Variants in ATG10 observed in about 807,000 individuals in gnomAD.
The protein encoded by ATG10 is ubiquitin-like-conjugating enzyme ATG10.
A neutral mutation model predicts 32.1 loss-of-function variants in ATG10; 30 were observed. The observed-to-expected ratio is 0.94, with a 90% confidence interval of 0.70 to 1.27. ATG10 has a LOEUF of 1.27. ATG10 is among the 50% of genes most tolerant of loss of function. The pLI is 0.00. For synonymous variants in ATG10, 87 were observed against 91.5 expected (o/e 0.95, Z 0.28); for missense variants, 233 against 262.3 (o/e 0.89, Z 0.77).
rs1346063505 is a variant in ATG10, at chr5:82,255,352, TTCATA to T, written c.*1290_*1294del. 1.3e-5 allele frequency: 2 copies of T among 152,226 alleles called. No individual in the cohort carries two copies. The highest frequency in any genetic ancestry group is 3.9e-4 in the East Asian group (2 of 5,194). 9.4% of individuals were successfully genotyped at this position (152,226 alleles called of 1,614,324 possible). A position where few individuals can be genotyped will look rare whatever the true frequency, so the allele number is the denominator to read the frequency against. On this transcript the variant is annotated 3_prime_UTR_variant, in exon 8 of 8. Transcript: ENST00000282185. ...GTATTCACTAAGGCTGTAAATAAGT[TTCATA>T]GCCAGTTAAGTATTAAGATAAACCT...
chr5:82,196,946 G>A (rs1246402994), intron 5 of ATG10, among the ~76,000 whole-genome samples: 2 of 152,128 alleles, frequency 1.3e-5, no homozygotes, highest in Non-Finnish European at 2.9e-5. Context: ...TTGGAATTTT[G>A]ATATGGATTG....
intron 1 of ATG10, among the ~76,000 whole-genome samples, chr5:81,983,987 C>A (rs1422878232): frequency 6.6e-6 from 1 of 151,894 alleles, no homozygotes; most frequent in Non-Finnish European, 1.5e-5. Flanking sequence ...GATGGGATGG[C>A]GGCCGGGCAG....
intron 5 of ATG10, among the ~76,000 whole-genome samples, chr5:82,249,557 A>G (rs920324683): frequency 7.9e-5 from 12 of 152,186 alleles, no homozygotes. Context: ...CTTCTGTGGT[A>G]TTATCTCATT....
intron 2 of ATG10, among the ~76,000 whole-genome samples, chr5:81,997,382 G>A (rs1410435197): frequency 6.6e-6 from 1 of 152,150 alleles, no homozygotes; most frequent in African/African-American, 2.4e-5. Flanking sequence ...GGAGGGCTGA[G>A]GTGAGCCTTG....
intron 3 of ATG10, among the ~76,000 whole-genome samples, chr5:82,077,774 A>G (rs546812290): frequency 7.4e-4 from 112 of 152,252 alleles, no homozygotes; most frequent in Non-Finnish European, 1.2e-3. Context: ...CTTCGTTCTG[A>G]TTTGATTGAT....
At chr5:82,108,425 TATA>T (rs1365567705) in intron 3 of ATG10, among the ~76,000 whole-genome samples, 5 of 151,950 alleles carry the variant, frequency 3.3e-5, no homozygotes, top group Non-Finnish European at 4.4e-5. Context: ...ACTGCTCTTA[TATA>T]ATATTTATGT....
intron 3 of ATG10, among the ~76,000 whole-genome samples, chr5:82,092,052 G>GT (rs1433741353): frequency 6.6e-6 from 1 of 152,150 alleles, no homozygotes; most frequent in Non-Finnish European, 1.5e-5. Context: ...GATATATGGA[G>GT]TTTTTTATAT....
At chr5:82,112,975 T>C (rs1417338943) in intron 3 of ATG10, among the ~76,000 whole-genome samples, 2 of 151,894 alleles carry the variant, frequency 1.3e-5, no homozygotes, top group Non-Finnish European at 2.9e-5. Flanking sequence ...AAGTACACAT[T>C]TTGAGTGTCT....
intron 2 of ATG10, among the ~76,000 whole-genome samples, chr5:82,023,706 C>T (rs1417827330): frequency 6.6e-6 from 1 of 152,138 alleles, no homozygotes; most frequent in Non-Finnish European, 1.5e-5. Context: ...GCTAATAAAA[C>T]CCAGTTTTGC....
chr5:82,066,494 T>C (rs1279376088), intron 3 of ATG10, among the ~76,000 whole-genome samples: 1 of 152,158 alleles, frequency 6.6e-6, no homozygotes, highest in Non-Finnish European at 1.5e-5. Context: ...AATAATATAC[T>C]AGTGGAAGAA....
At chr5:82,170,210 A>C (rs191579132) in intron 4 of ATG10, among the ~76,000 whole-genome samples, 11 of 152,038 alleles carry the variant, frequency 7.2e-5, no homozygotes, top group Non-Finnish European at 1.5e-4. Context: ...TCTTAGGTGA[A>C]TGTTTGTGCC....
At chr5:82,116,869 T>G (rs1765831808) in intron 3 of ATG10, among the ~76,000 whole-genome samples, 1 of 152,116 alleles carries the variant, frequency 6.6e-6, no homozygotes, top group African/African-American at 2.4e-5. Context: ...TATTTGCATT[T>G]TCTTGGGCTA....
chr5:82,108,480 CAT>C (rs539398978), intron 3 of ATG10, among the ~76,000 whole-genome samples: 27 of 151,622 alleles, frequency 1.8e-4, no homozygotes, highest in South Asian at 1.7e-3. Flanking sequence ...GTATGTATAA[CAT>C]GTGTATATAT....
intron 2 of ATG10, among the ~76,000 whole-genome samples, chr5:81,993,364 T>TTTCTTTCCTTC (rs374179266): frequency 5.3e-4 from 18 of 34,188 alleles, no homozygotes; most frequent in Admixed American, 1.5e-3. Flanking sequence ...TCTTTCCTTC[T>TTTCTTTCCTTC]TTTCTTTTCT....
At chr5:82,010,187 A>T in intron 2 of ATG10, 2 of 1,038,382 alleles carry the variant, frequency 1.9e-6, no homozygotes, top group South Asian at 3.0e-5. Flanking sequence ...GTTTCCAAGT[A>T]CAGACAAAAT....
intron 3 of ATG10, among the ~76,000 whole-genome samples, chr5:82,080,357 T>C (rs1327504183): frequency 6.6e-6 from 1 of 152,248 alleles, no homozygotes; most frequent in African/African-American, 2.4e-5. Context: ...GCAGAAGCTC[T>C]TTAGTTGAAT....
chr5:81,973,573 T>C (rs1286076349), intron 1 of ATG10, among the ~76,000 whole-genome samples: 2 of 152,230 alleles, frequency 1.3e-5, no homozygotes, highest in East Asian at 3.8e-4. Context: ...CAGGTTCATT[T>C]TGAGTCATAT....
intron 2 of ATG10, among the ~76,000 whole-genome samples, chr5:81,997,559 A>G (rs1761706399): frequency 6.6e-6 from 1 of 152,224 alleles, no homozygotes; most frequent in Non-Finnish European, 1.5e-5. Flanking sequence ...ACAGAAATAT[A>G]ATTCAGAATA....
chr5:82,092,654 A>T (rs1031154405), intron 3 of ATG10, among the ~76,000 whole-genome samples: 1 of 152,174 alleles, frequency 6.6e-6, no homozygotes. Flanking sequence ...ACTGGGTCCC[A>T]TGAGACTGAA....
Sources: gnomAD v4.1 joint callset for allele counts (sites outside exome capture counted in the v4.1 genomes callset) on GRCh38, gnomAD v4.1.1 for gene constraint, MANE v1.5 for transcripts, NCBI Gene and HGNC (gene_info 2026-07-23, HGNC 2026-07-21) for gene names.